The following PDSS2 variants were observed in gnomAD, a reference collection of about 807,000 sequenced individuals.
The protein encoded by PDSS2 is decaprenyl diphosphate synthase subunit 2.
In PDSS2, 31 loss-of-function variants were observed where a neutral mutation model predicts 44.5. The ratio of observed to expected loss-of-function variants is 0.70; its 90% CI spans 0.52 to 0.94. The LOEUF is 0.94. Ranked by LOEUF, PDSS2 falls within the 40% of genes least tolerant of loss-of-function variation. The pLI, the probability that PDSS2 is intolerant of heterozygous loss-of-function variation, is 0.00. For missense variants in PDSS2, 452 were observed against 482.2 expected (o/e 0.94, Z 0.59); for synonymous variants, 157 against 180.3 (o/e 0.87, Z 1.03).
At chr6:107,197,786 C>T in intron 6 of PDSS2, 1 of 470,318 alleles carries the variant, frequency 2.1e-6, no homozygotes. Flanking sequence ...CTAACCATCT[C>T]CTCTTCATGC....
At chr6:107,410,473 GTTTTTTGT>G (rs1368875017) in intron 1 of PDSS2, among the ~76,000 whole-genome samples, 1 of 53,002 alleles carries the variant, frequency 1.9e-5, no homozygotes, top group Non-Finnish European at 3.6e-5. Flanking sequence ...CCTCTACGCT[GTTTTTTGT>G]TTGTTTGTTT....
intron 2 of PDSS2, among the ~76,000 whole-genome samples, chr6:107,308,230 TTAAAAAAC>T (rs1245707638): frequency 1.3e-5 from 2 of 151,932 alleles, no homozygotes; most frequent in African/African-American, 4.8e-5. Context: ...AAAACAAACT[TTAAAAAAC>T]TAAATATTTT....
chr6:107,199,239 A>G (rs1342263954), intron 6 of PDSS2, among the ~76,000 whole-genome samples: 1 of 152,198 alleles, frequency 6.6e-6, no homozygotes, highest in African/African-American at 2.4e-5. Flanking sequence ...GAACAGATCA[A>G]AATGTGTGAC....
At chr6:107,301,446 A>G (rs1203626767) in intron 2 of PDSS2, among the ~76,000 whole-genome samples, 2 of 132,624 alleles carry the variant, frequency 1.5e-5, no homozygotes, top group Non-Finnish European at 3.2e-5. Flanking sequence ...TTTTTGAAAT[A>G]ATTTACAGTT....
chr6:107,435,015 G>A (rs1390516572), intron 1 of PDSS2, among the ~76,000 whole-genome samples: 2 of 152,012 alleles, frequency 1.3e-5, no homozygotes, highest in East Asian at 1.9e-4. Flanking sequence ...AGTGAGTCAT[G>A]TCTGTAATCT....
chr6:107,297,035 T>A (rs1046907162), intron 2 of PDSS2, among the ~76,000 whole-genome samples: 1 of 151,920 alleles, frequency 6.6e-6, no homozygotes, highest in African/African-American at 2.4e-5. Flanking sequence ...GCATAGAGAG[T>A]AAACAATTAC....
chr6:107,314,673 C>T (rs991407962), intron 2 of PDSS2, among the ~76,000 whole-genome samples: 1 of 152,194 alleles, frequency 6.6e-6, no homozygotes, highest in Admixed American at 6.5e-5. Flanking sequence ...ATTTGCGTCT[C>T]ATTTAAGGAT....
At chr6:107,185,306 G>A (rs558140226) in intron 7 of PDSS2, among the ~76,000 whole-genome samples, 1 of 152,212 alleles carries the variant, frequency 6.6e-6, no homozygotes, top group African/African-American at 2.4e-5. Flanking sequence ...GTGAAAGAAT[G>A]AACAGAAGGC....
intron 1 of PDSS2, among the ~76,000 whole-genome samples, chr6:107,375,583 T>C (rs1461410565): frequency 2.0e-5 from 3 of 152,218 alleles, no homozygotes; most frequent in Non-Finnish European, 2.9e-5. Context: ...TGGTGAATTC[T>C]ATCAAATATT....
At chr6:107,452,019 C>G (rs545649507) in intron 1 of PDSS2, among the ~76,000 whole-genome samples, 78 of 151,994 alleles carry the variant, frequency 5.1e-4, no homozygotes, top group Middle Eastern at 3.4e-3. Context: ...TCTTTTCTTT[C>G]TTCTTCTTTT....
At chr6:107,341,802 A>T (rs1778089426) in intron 1 of PDSS2, among the ~76,000 whole-genome samples, 1 of 152,136 alleles carries the variant, frequency 6.6e-6, no homozygotes, top group Non-Finnish European at 1.5e-5. Flanking sequence ...TTTGGCACTT[A>T]ACACACTGAG....
chr6:107,215,787 A>T (rs1445932627), intron 4 of PDSS2, among the ~76,000 whole-genome samples: 2 of 152,186 alleles, frequency 1.3e-5, no homozygotes, highest in African/African-American at 4.8e-5. Context: ...CTAATCAGTA[A>T]GTTTTATAAA....
At chr6:107,218,294 T>G (rs956013564) in intron 4 of PDSS2, among the ~76,000 whole-genome samples, 1 of 152,182 alleles carries the variant, frequency 6.6e-6, no homozygotes, top group Admixed American at 6.5e-5. Flanking sequence ...AGAACTACAA[T>G]GGCCTCCAGC....
At chr6:107,443,974 G>A (rs189228438) in intron 1 of PDSS2, among the ~76,000 whole-genome samples, 1 of 152,246 alleles carries the variant, frequency 6.6e-6, no homozygotes, top group Admixed American at 6.5e-5. Context: ...ACTGTTCTAA[G>A]CACTTTACCC....
chr6:107,342,344 G>C (rs1778106891), intron 1 of PDSS2, among the ~76,000 whole-genome samples: 2 of 152,038 alleles, frequency 1.3e-5, no homozygotes, highest in African/African-American at 4.8e-5. Flanking sequence ...CAACCATTCA[G>C]CTCTGACTGG....
chr6:107,369,454 A>G (rs1779064904), intron 1 of PDSS2, among the ~76,000 whole-genome samples: 1 of 152,090 alleles, frequency 6.6e-6, no homozygotes, highest in South Asian at 2.1e-4. Flanking sequence ...AAAAAAGAAA[A>G]AAGAACAATG....
chr6:107,353,225 C>A (rs1778485679), intron 1 of PDSS2, among the ~76,000 whole-genome samples: 1 of 151,952 alleles, frequency 6.6e-6, no homozygotes, highest in Admixed American at 6.6e-5. Flanking sequence ...TATACAGACA[C>A]CAGGTTTGTA....
intron 3 of PDSS2, among the ~76,000 whole-genome samples, chr6:107,262,338 C>A (rs1775269049): frequency 6.6e-6 from 1 of 152,140 alleles, no homozygotes; most frequent in African/African-American, 2.4e-5. Context: ...GTTTTCTATT[C>A]TTTCTCCTTT....
At chr6:107,323,446 T>G (rs998907031) in intron 2 of PDSS2, among the ~76,000 whole-genome samples, 4 of 152,166 alleles carry the variant, frequency 2.6e-5, no homozygotes, top group African/African-American at 9.7e-5. Context: ...AGCTCCTGGT[T>G]TGAAGCCCAT....
Sources: allele counts gnomAD v4.1 joint callset (sites outside exome capture counted in the v4.1 genomes callset), GRCh38; gene constraint gnomAD v4.1.1; transcripts MANE v1.5; gene names NCBI Gene and HGNC (gene_info 2026-07-23, HGNC 2026-07-21).